Variants in GALM observed in about 807,000 individuals in gnomAD.
GALM encodes aldose 1-epimerase.
In GALM, 43 loss-of-function variants were observed where a neutral mutation model predicts 37.4. The ratio of observed to expected loss-of-function variants is 1.15; its 90% CI spans 0.90 to 1.48. GALM has a LOEUF of 1.48. Among genes scored for constraint, GALM ranks in the 40% most tolerant of loss-of-function variants. GALM has a pLI of 0.00. For missense variants in GALM, 456 were observed against 419.1 expected, an observed-to-expected ratio of 1.09 and a Z score of -0.77; for synonymous variants, 199 against 170.6, an observed-to-expected ratio of 1.17 and a Z score of -1.30.
chr2:38,700,923 T>C (rs1278335363), intron 4 of GALM, among the ~76,000 whole-genome samples: 1 of 152,242 alleles, frequency 6.6e-6, no homozygotes, highest in African/African-American at 2.4e-5. Flanking sequence ...TTTTTGTGTT[T>C]TCTTGATAGT....
At chr2:38,686,236 CTTT>C (rs1665518780) in intron 3 of GALM, among the ~76,000 whole-genome samples, 1 of 80,458 alleles carries the variant, frequency 1.2e-5, no homozygotes, top group African/African-American at 7.1e-5. Context: ...TTCTTTCTTT[CTTT>C]CTTTCTTTCT....
intron 1 of GALM, among the ~76,000 whole-genome samples, chr2:38,675,538 TTTTTTTGTGTGTGTGTGTG>T (rs1665232098): frequency 1.1e-5 from 1 of 92,484 alleles, no homozygotes; most frequent in East Asian, 5.7e-4. Context: ...TTTTTTTTTT[TTTTTTTGTGTGTGTGTGTG>T]TGTGTGTGTG....
intron 4 of GALM, among the ~76,000 whole-genome samples, chr2:38,713,859 C>T (rs1388172268): frequency 2.0e-5 from 3 of 150,326 alleles, no homozygotes; most frequent in Non-Finnish European, 2.9e-5. Flanking sequence ...GAGCTGTGAT[C>T]GTGCCACAGC....
At chr2:38,701,242 G>C (rs1252397329) in intron 4 of GALM, among the ~76,000 whole-genome samples, 2 of 152,200 alleles carry the variant, frequency 1.3e-5, no homozygotes, top group Admixed American at 6.5e-5. Context: ...GTAGAATTAG[G>C]AGGTGAGCTG....
chr2:38,699,485 C>T (rs181321960), intron 4 of GALM, among the ~76,000 whole-genome samples: 26 of 152,186 alleles, frequency 1.7e-4, no homozygotes, highest in Middle Eastern at 3.4e-3. Flanking sequence ...AGAGCACTAG[C>T]ACTTATTCCC....
chr2:38,726,628 G>A lies in GALM; in HGVS notation c.635-2928G>A, dbSNP rs184812806. On this transcript the variant is annotated intron_variant, in intron 4 of 6. Coordinates refer to ENST00000272252, the MANE Select transcript of GALM (RefSeq NM_138801.3). ...GACAAATGCAAGCCGAAGTAGTCTC[G>A]GCCGGGCTCAGTGGCTCCTGCCTAT... is the stretch of plus-strand genomic sequence containing the variant. Among the ~76,000 whole-genome samples, 287 of 152,162 alleles carry A rather than the reference G, an allele frequency of 1.9e-3. 3 individuals carry two copies. The highest frequency in any genetic ancestry group is 3.5e-3 in the Non-Finnish European group (241 of 68,008).
chr2:38,708,191 T>A (rs1572533103), intron 4 of GALM, among the ~76,000 whole-genome samples: 1 of 151,848 alleles, frequency 6.6e-6, no homozygotes, highest in African/African-American at 2.4e-5. Flanking sequence ...TACCAGTTGC[T>A]TGGGAGACCG....
chr2:38,732,197 C>T (rs992497173), intron 6 of GALM, among the ~76,000 whole-genome samples: 2 of 152,162 alleles, frequency 1.3e-5, no homozygotes, highest in African/African-American at 4.8e-5. Flanking sequence ...GCTAGGATTA[C>T]AGGCGCCTAC....
At chr2:38,666,788 G>C (rs1664952173) in intron 1 of GALM, among the ~76,000 whole-genome samples, 1 of 152,128 alleles carries the variant, frequency 6.6e-6, no homozygotes, top group Non-Finnish European at 1.5e-5. Context: ...CTTCTTCCTT[G>C]ATCAGATTCT....
At chr2:38,720,826 A>G (rs1666361421) in intron 4 of GALM, among the ~76,000 whole-genome samples, 1 of 152,188 alleles carries the variant, frequency 6.6e-6, no homozygotes, top group African/African-American at 2.4e-5. Flanking sequence ...GCTTCCTTAC[A>G]GTATGGTGGC....
intron 2 of GALM, among the ~76,000 whole-genome samples, chr2:38,679,353 C>T (rs946877078): frequency 1.3e-5 from 2 of 148,810 alleles, no homozygotes; most frequent in Admixed American, 1.3e-4. Flanking sequence ...TGAAACTCCC[C>T]ACCGCCCCCG....
chr2:38,698,462 G>T (rs1665854252), intron 4 of GALM: 9 of 1,214,366 alleles, frequency 7.4e-6, no homozygotes, highest in Non-Finnish European at 9.8e-6. Flanking sequence ...GTGTTTGGAT[G>T]TTAGCAGTTA....
At chr2:38,728,829 C>A (rs1216050932) in intron 4 of GALM, among the ~76,000 whole-genome samples, 2 of 150,826 alleles carry the variant, frequency 1.3e-5, no homozygotes, top group African/African-American at 4.9e-5. Flanking sequence ...ATTCTCTGTA[C>A]TTGGTACAAG....
chr2:38,699,486 A>G (rs2148441916), intron 4 of GALM, among the ~76,000 whole-genome samples: 1 of 152,278 alleles, frequency 6.6e-6, no homozygotes, highest in South Asian at 2.1e-4. Flanking sequence ...GAGCACTAGC[A>G]CTTATTCCCC....
chr2:38,678,139 C>A (rs1665306203), intron 2 of GALM, among the ~76,000 whole-genome samples: 1 of 151,904 alleles, frequency 6.6e-6, no homozygotes, highest in Non-Finnish European at 1.5e-5. Flanking sequence ...GCCTCAGCCT[C>A]CCAAGTAGCT....
intron 4 of GALM, among the ~76,000 whole-genome samples, chr2:38,706,524 A>G (rs1272667442): frequency 6.7e-6 from 1 of 150,222 alleles, no homozygotes; most frequent in Non-Finnish European, 1.5e-5. Flanking sequence ...AAAAAAAAAA[A>G]AAAAAATTAG....
intron 4 of GALM, among the ~76,000 whole-genome samples, chr2:38,715,928 C>T (rs1268656816): frequency 6.6e-6 from 1 of 152,180 alleles, no homozygotes; most frequent in Non-Finnish European, 1.5e-5. Flanking sequence ...ATGAGGTAAC[C>T]AAGCTTCAGA....
chr2:38,710,276 A>G lies in GALM; in HGVS notation c.635-19280A>G, dbSNP rs912827667. Among the ~76,000 whole-genome samples, 8 of 152,118 alleles carry G rather than the reference A, an allele frequency of 5.3e-5. No individual in the cohort carries two copies. The East Asian group carries it at 9.6e-4, about 18-fold the overall frequency. ...ATGGTCCTAGGTCCACACTTGGAGG[A>G]GCTATTTAGAGCCTATAAAATAGTT... On this transcript the variant is annotated intron_variant, in intron 4 of 6. Transcript: ENST00000272252.
chr2:38,695,680 T>A (rs1665789455), intron 4 of GALM, among the ~76,000 whole-genome samples: 1 of 149,992 alleles, frequency 6.7e-6, no homozygotes, highest in South Asian at 2.1e-4. Context: ...TGGTTTTGTT[T>A]GTTTGCTTGT....
Sources: allele counts gnomAD v4.1 joint callset (sites outside exome capture counted in the v4.1 genomes callset), GRCh38; gene constraint gnomAD v4.1.1; transcripts MANE v1.5; gene names NCBI Gene and HGNC (gene_info 2026-07-23, HGNC 2026-07-21).